POFUT3: variants seen among roughly 807,000 people sequenced by gnomAD.
POFUT3 encodes protein O-fucosyltransferase 3.
chr8:33,355,010 C>T, the POFUT3 span, among the ~76,000 whole-genome samples: 5 of 152,310 alleles, frequency 3.3e-5, no homozygotes, highest in East Asian at 9.7e-4. Context: ...ACTTCACAGT[C>T]CTTTGTGAGC....
the POFUT3 span, among the ~76,000 whole-genome samples, chr8:33,463,322 T>C: frequency 6.6e-6 from 1 of 151,970 alleles, no homozygotes; most frequent in Admixed American, 6.6e-5. Context: ...CTAGCCAAGA[T>C]GGTGAAACCC....
At chr8:33,389,666 G>A in the POFUT3 span, 2 of 1,614,164 alleles carry the variant, frequency 1.2e-6, no homozygotes, top group Non-Finnish European at 1.7e-6. Context: ...GAACGTGGCA[G>A]TGTAGTTGAA....
chr8:33,420,262 A>T, the POFUT3 span, among the ~76,000 whole-genome samples: 12 of 152,240 alleles, frequency 7.9e-5, no homozygotes, highest in African/African-American at 2.9e-4. Flanking sequence ...AATTTAAGAG[A>T]GAATTATTAG....
chr8:33,426,070 A>T, the POFUT3 span, among the ~76,000 whole-genome samples: 1 of 151,470 alleles, frequency 6.6e-6, no homozygotes, highest in Non-Finnish European at 1.5e-5. Flanking sequence ...TGCCCAGCTA[A>T]TTTTTTGTAT....
At chr8:33,334,246 C>T in the POFUT3 span, among the ~76,000 whole-genome samples, 76 of 151,892 alleles carry the variant, frequency 5.0e-4, no homozygotes, top group African/African-American at 1.8e-3. Flanking sequence ...AAGACAGAGT[C>T]TCACTCTGTT....
chr8:33,318,395 G>T, the POFUT3 span, among the ~76,000 whole-genome samples: 1 of 146,678 alleles, frequency 6.8e-6, no homozygotes, highest in African/African-American at 2.5e-5. Context: ...AAGAGTGAGG[G>T]GAAGGCAAGA....
chr8:33,367,653 G>C, the POFUT3 span, among the ~76,000 whole-genome samples: 2 of 152,038 alleles, frequency 1.3e-5, no homozygotes, highest in Non-Finnish European at 2.9e-5. Context: ...TGCACTTAAA[G>C]GTCAAGATTT....
chr8:33,334,836 T>C, the POFUT3 span, among the ~76,000 whole-genome samples: 1 of 152,338 alleles, frequency 6.6e-6, no homozygotes, highest in Admixed American at 6.5e-5. Flanking sequence ...GTAACTTCAC[T>C]GAAGCAATTC....
At chr8:33,314,973 G>A in the POFUT3 span, among the ~76,000 whole-genome samples, 1 of 152,138 alleles carries the variant, frequency 6.6e-6, no homozygotes, top group Admixed American at 6.5e-5. Context: ...GATGGGAGAA[G>A]ATGATTGCAC....
chr8:33,398,085 G>A, the POFUT3 span, among the ~76,000 whole-genome samples: 1 of 152,186 alleles, frequency 6.6e-6, no homozygotes, highest in African/African-American at 2.4e-5. Flanking sequence ...AAATGCAAAT[G>A]GCCATGGTGG....
the POFUT3 span, among the ~76,000 whole-genome samples, chr8:33,417,662 G>A: frequency 6.6e-6 from 1 of 152,168 alleles, no homozygotes; most frequent in African/African-American, 2.4e-5. Flanking sequence ...CAGCTTAAAG[G>A]AGGAGGGGTG....
chr8:33,435,955 T>C, the POFUT3 span, among the ~76,000 whole-genome samples: 2 of 152,146 alleles, frequency 1.3e-5, no homozygotes, highest in East Asian at 3.9e-4. Context: ...AGTGAGACTC[T>C]TGCCACAGTC....
the POFUT3 span, among the ~76,000 whole-genome samples, chr8:33,380,193 A>G: frequency 1.4e-4 from 9 of 63,702 alleles, no homozygotes; most frequent in Non-Finnish European, 2.4e-4. Flanking sequence ...TATATACTAT[A>G]TATATATACT....
the POFUT3 span, among the ~76,000 whole-genome samples, chr8:33,444,132 G>A: frequency 6.6e-6 from 1 of 152,022 alleles, no homozygotes; most frequent in Non-Finnish European, 1.5e-5. Context: ...GAGTGATAAG[G>A]GTTATGAAGA....
At chr8:33,451,468 ATG>A in the POFUT3 span, among the ~76,000 whole-genome samples, 194 of 152,018 alleles carry the variant, frequency 1.3e-3, 1 homozygote, top group South Asian at 6.4e-3. Flanking sequence ...GTGTATGTAT[ATG>A]TGTGTGTATA....
the POFUT3 span, among the ~76,000 whole-genome samples, chr8:33,403,325 CTGAG>C: frequency 2.0e-4 from 31 of 151,402 alleles, no homozygotes; most frequent in African/African-American, 5.3e-4. Context: ...GTGTATGGGA[CTGAG>C]TAAGAAAATA....
the POFUT3 span, among the ~76,000 whole-genome samples, chr8:33,373,679 AG>A: frequency 1.9e-4 from 29 of 151,608 alleles, 1 homozygote; most frequent in African/African-American, 1.5e-4. Flanking sequence ...GAAAAGAAAA[AG>A]AAAAGTAAAA....
chr8:33,315,828 TTCTTCCCTTTGATACTGCC>T, the POFUT3 span, among the ~76,000 whole-genome samples: 1 of 152,168 alleles, frequency 6.6e-6, no homozygotes, highest in South Asian at 2.1e-4. Flanking sequence ...ATATATTTTC[TTCTTCCCTTTGATACTGCC>T]TTCATGACGG....
At chr8:33,407,969 C>A in the POFUT3 span, among the ~76,000 whole-genome samples, 245 of 118,822 alleles carry the variant, frequency 2.1e-3, no homozygotes, top group Admixed American at 7.9e-3. Context: ...TCCTGGGCAA[C>A]AGAGCGAGAC....
Sources: allele counts gnomAD v4.1 joint callset (sites outside exome capture counted in the v4.1 genomes callset), GRCh38; gene constraint gnomAD v4.1.1; transcripts MANE v1.5; gene names NCBI Gene and HGNC (gene_info 2026-07-23, HGNC 2026-07-21).